The following RGS6 variants were observed in gnomAD, a reference collection of about 807,000 sequenced individuals.
The protein encoded by RGS6 is regulator of G-protein signaling 6.
In RGS6, 30 loss-of-function variants were observed where a neutral mutation model predicts 78.5. That is an observed-to-expected ratio of 0.38 (90% confidence interval 0.29 to 0.52). The LOEUF is 0.52. Among genes scored for constraint, RGS6 ranks in the 20% least tolerant of loss-of-function variants. RGS6 has a pLI of 0.85. For synonymous variants in RGS6, 206 were observed against 206.0 expected (o/e 1.00, Z 0.00); for missense variants, 495 against 609.7 (o/e 0.81, Z 1.98).
the RGS6 span, among the ~76,000 whole-genome samples, chr14:71,908,794 G>A: frequency 6.6e-6 from 1 of 152,122 alleles, no homozygotes; most frequent in African/African-American, 2.4e-5. Context: ...TGCCTACCAC[G>A]CCTCTGGCTT....
chr14:71,910,332 A>T, the RGS6 span, among the ~76,000 whole-genome samples: 1 of 152,252 alleles, frequency 6.6e-6, no homozygotes, highest in African/African-American at 2.4e-5. Context: ...AAAGAAATCT[A>T]CAAACGAGCC....
intron 2 of RGS6, among the ~76,000 whole-genome samples, chr14:72,334,373 G>T (rs1359479876): frequency 1.3e-5 from 2 of 152,216 alleles, no homozygotes; most frequent in African/African-American, 2.4e-5. Context: ...ACCTGGGGAA[G>T]CTGGCAGGGC....
intron 2 of RGS6, among the ~76,000 whole-genome samples, chr14:72,121,410 A>T (rs1438840312): frequency 6.6e-6 from 1 of 152,190 alleles, no homozygotes; most frequent in Non-Finnish European, 1.5e-5. Flanking sequence ...AGTGGCTTCC[A>T]TTGTAGGCCT....
the RGS6 span, chr14:71,908,462 C>T: frequency 6.6e-6 from 1 of 152,212 alleles, no homozygotes; most frequent in African/African-American, 2.4e-5. Context: ...TTCTTTTCTA[C>T]CTGACTTTCT....
At chr14:72,197,633 A>C (rs1209450783) in intron 2 of RGS6, among the ~76,000 whole-genome samples, 4 of 152,238 alleles carry the variant, frequency 2.6e-5, no homozygotes, top group Non-Finnish European at 5.9e-5. Flanking sequence ...TTTAGGAATC[A>C]GTAATTATTT....
intron 14 of RGS6, among the ~76,000 whole-genome samples, chr14:72,512,557 A>G (rs760735856): frequency 2.6e-5 from 4 of 152,200 alleles, no homozygotes; most frequent in Non-Finnish European, 5.9e-5. Context: ...CCAGAGCCTA[A>G]GCCACACCCC....
the RGS6 span, among the ~76,000 whole-genome samples, chr14:71,902,978 G>T: frequency 2.1e-3 from 315 of 152,350 alleles, 5 homozygotes; most frequent in Non-Finnish European, 9.8e-4. Flanking sequence ...TTGTTGGATG[G>T]TTTCCTGACT....
intron 2 of RGS6, among the ~76,000 whole-genome samples, chr14:72,034,976 A>G (rs570657293): frequency 6.6e-6 from 1 of 152,326 alleles, no homozygotes; most frequent in Middle Eastern, 3.4e-3. Flanking sequence ...TGTCATTCTG[A>G]GTAGCATGAT....
chr14:72,355,998 A>G (rs2080189301), intron 3 of RGS6, among the ~76,000 whole-genome samples: 1 of 152,202 alleles, frequency 6.6e-6, no homozygotes, highest in Non-Finnish European at 1.5e-5. Context: ...TTATCACTGC[A>G]GGATTTTGCA....
chr14:72,259,316 C>CT (rs1011398095), intron 2 of RGS6, among the ~76,000 whole-genome samples: 45 of 152,076 alleles, frequency 3.0e-4, no homozygotes, highest in African/African-American at 8.2e-4. Context: ...TGTGTAGCAG[C>CT]TTTTTTTTAA....
At chr14:72,163,825 G>A (rs1045602859) in intron 2 of RGS6, among the ~76,000 whole-genome samples, 1 of 150,854 alleles carries the variant, frequency 6.6e-6, no homozygotes, top group South Asian at 2.1e-4. Flanking sequence ...AATGGTTGCA[G>A]TGAGCCAAGA....
the RGS6 span, among the ~76,000 whole-genome samples, chr14:71,919,416 G>T: frequency 6.6e-6 from 1 of 152,168 alleles, no homozygotes; most frequent in African/African-American, 2.4e-5. Flanking sequence ...CTCCTCTGGG[G>T]ATGAGAAAGC....
intron 2 of RGS6, among the ~76,000 whole-genome samples, chr14:72,275,127 T>C (rs2060487877): frequency 1.3e-5 from 2 of 152,236 alleles, no homozygotes; most frequent in African/African-American, 4.8e-5. Context: ...TATTGCAGTT[T>C]ACAAAGTGCT....
intron 2 of RGS6, among the ~76,000 whole-genome samples, chr14:72,316,805 A>G (rs543646116): frequency 2.0e-5 from 3 of 152,248 alleles, no homozygotes; most frequent in African/African-American, 7.2e-5. Context: ...ATACATGGCC[A>G]AATCAGTAAA....
chr14:72,419,939 C>T (rs145317609), intron 3 of RGS6, among the ~76,000 whole-genome samples: 9 of 152,136 alleles, frequency 5.9e-5, no homozygotes, highest in Admixed American at 6.5e-5. Flanking sequence ...AATCTGCCCC[C>T]CTAAGGGTGT....
rs765427554 is a variant in RGS6 at position 72,332,587 on chromosome 14, A to G, written c.85-19508A>G. On this transcript the variant is annotated intron_variant, in intron 2 of 17. Coordinates refer to ENST00000553525, the MANE Select transcript of RGS6 (RefSeq NM_001204424.2). ...ACCCATCTGCCTCATGCCAGGAGGCAGGATCTTGGGTCCCTGTACCCTGGT... is the reference window on the plus strand; with the variant it reads ...ACCCATCTGCCTCATGCCAGGAGGCGGGATCTTGGGTCCCTGTACCCTGGT... Among the ~76,000 whole-genome samples, 20 of 152,194 alleles carry G rather than the reference A, an allele frequency of 1.3e-4. 1 individual carries two copies. The highest frequency in any genetic ancestry group is 2.5e-4 in the Non-Finnish European group (17 of 68,034).
intron 2 of RGS6, among the ~76,000 whole-genome samples, chr14:72,241,455 T>C (rs1255376968): frequency 3.9e-5 from 6 of 152,192 alleles, no homozygotes; most frequent in Admixed American, 2.6e-4. Flanking sequence ...ATTCCTTTTT[T>C]TCTCTCTCTC....
At chr14:72,351,054 A>G (rs908339549) in intron 2 of RGS6, among the ~76,000 whole-genome samples, 2 of 152,316 alleles carry the variant, frequency 1.3e-5, no homozygotes, top group Middle Eastern at 3.4e-3. Context: ...AGTTGCAATC[A>G]TAGTATGTTA....
intron 2 of RGS6, among the ~76,000 whole-genome samples, chr14:71,965,432 G>A (rs4902960): frequency 0.074 from 11,227 of 152,248 alleles, 518 homozygotes; most frequent in East Asian, 0.21. Flanking sequence ...TTTGAACTCA[G>A]TTTTAAAATA....
Sources: gnomAD v4.1 joint callset for allele counts (sites outside exome capture counted in the v4.1 genomes callset) on GRCh38, gnomAD v4.1.1 for gene constraint, MANE v1.5 for transcripts, NCBI Gene and HGNC (gene_info 2026-07-23, HGNC 2026-07-21) for gene names.